FRMD6: variants seen among roughly 807,000 people sequenced by gnomAD.
The protein encoded by FRMD6 is FERM domain containing 6.
A neutral mutation model predicts 73.2 loss-of-function variants in FRMD6; 37 were observed. The ratio of observed to expected loss-of-function variants is 0.51; its 90% CI spans 0.39 to 0.66. The LOEUF is 0.66. Among genes scored for constraint, FRMD6 ranks in the 30% least tolerant of loss-of-function variants. The pLI is 0.00. For missense variants in FRMD6, 714 were observed against 780.5 expected (o/e 0.91, Z 1.02); for synonymous variants, 273 against 282.2 (o/e 0.97, Z 0.33).
chr14:51,712,439 C>CTT (rs768724598), intron 8 of FRMD6, 44 bp from the exon 9 acceptor site: 5 of 1,179,456 alleles, frequency 4.2e-6, no homozygotes, highest in Non-Finnish European at 6.3e-6. Flanking sequence ...TTTACAGTAT[C>CTT]TATCATTTTT....
At chr14:51,621,242 A>C (rs1216972458) in intron 2 of FRMD6, among the ~76,000 whole-genome samples, 2 of 152,154 alleles carry the variant, frequency 1.3e-5, no homozygotes, top group East Asian at 3.8e-4. Context: ...TCAAAGGCTC[A>C]GAAGTGGTGG....
At position 51,720,496 on chromosome 14, in the gene FRMD6, A is replaced by AAAGTGG. The variant is rs1269381794; in HGVS notation, c.1360+110_1360+115dup. ...GAGAGCAACTTTAGGCAGTAGTAAT[A>AAAGTGG]AAGTGGAAGAGGTGTCTTGTTGTCT... On this transcript the variant is annotated intron_variant, in intron 11 of 13. Coordinates refer to ENST00000344768, the MANE Select transcript of FRMD6 (RefSeq NM_001267046.2). The AAAGTGG allele has an allele frequency of 8.1e-6, 8 of 981,756 alleles. No individual in the cohort carries two copies. In the African/African-American group the frequency reaches 1.3e-4, roughly 16 times the overall value. 60.8% of individuals were successfully genotyped at this position (981,756 alleles called of 1,614,324 possible). A position where few individuals can be genotyped will look rare whatever the true frequency, so the allele number is the denominator to read the frequency against.
chr14:51,585,843 G>T (rs901838918), intron 2 of FRMD6, among the ~76,000 whole-genome samples: 1 of 149,372 alleles, frequency 6.7e-6, no homozygotes, highest in South Asian at 2.1e-4. Flanking sequence ...TTTCACTTAG[G>T]ATAATGGCTT....
At chr14:51,614,292 T>C (rs1890627435) in intron 2 of FRMD6, among the ~76,000 whole-genome samples, 1 of 152,218 alleles carries the variant, frequency 6.6e-6, no homozygotes, top group Non-Finnish European at 1.5e-5. Flanking sequence ...TTAAGTATTC[T>C]AGTCACATGG....
the FRMD6 span, among the ~76,000 whole-genome samples, chr14:51,480,130 G>A: frequency 6.6e-6 from 1 of 152,158 alleles, no homozygotes; most frequent in East Asian, 1.9e-4. Context: ...TATAATCAGG[G>A]CTTGGCTTGC....
At chr14:51,536,292 A>G (rs1451176272) in intron 1 of FRMD6, among the ~76,000 whole-genome samples, 4 of 151,812 alleles carry the variant, frequency 2.6e-5, no homozygotes, top group Admixed American at 6.6e-5. Context: ...GGGTCTCACT[A>G]TGTTATCCTG....
upstream of FRMD6, among the ~76,000 whole-genome samples, chr14:51,647,399 G>C (rs1304962621): frequency 1.3e-5 from 2 of 152,072 alleles, no homozygotes; most frequent in African/African-American, 4.8e-5. Flanking sequence ...CTTTTCTTAA[G>C]CATTAAAGTC....
intron 2 of FRMD6, among the ~76,000 whole-genome samples, chr14:51,575,454 T>C (rs1888351014): frequency 3.9e-5 from 6 of 152,250 alleles, no homozygotes; most frequent in Admixed American, 3.9e-4. Flanking sequence ...CAGATGCAGA[T>C]GCTCCTTGGT....
the FRMD6 span, chr14:51,436,094 TCCTGC>T: frequency 1.9e-5 from 4 of 214,252 alleles, no homozygotes; most frequent in Non-Finnish European, 2.7e-5. Context: ...CAAGACCACC[TCCTGC>T]CCTGAGACCA....
intron 2 of FRMD6, among the ~76,000 whole-genome samples, chr14:51,646,039 C>G (rs1346409375): frequency 1.3e-5 from 2 of 151,876 alleles, no homozygotes; most frequent in Admixed American, 1.3e-4. Flanking sequence ...TGAAGAGAGG[C>G]CGGGTGCGGT....
intron 1 of FRMD6, among the ~76,000 whole-genome samples, chr14:51,686,094 G>T (rs1895131397): frequency 6.6e-6 from 1 of 151,896 alleles, no homozygotes; most frequent in Non-Finnish European, 1.5e-5. Flanking sequence ...ATCCTCCTTT[G>T]CCTACATTCA....
At chr14:51,409,604 G>A in the FRMD6 span, among the ~76,000 whole-genome samples, 3 of 152,036 alleles carry the variant, frequency 2.0e-5, no homozygotes, top group African/African-American at 7.2e-5. Context: ...CTTATTTATT[G>A]TTATTATTTT....
At chr14:51,433,731 G>A in the FRMD6 span, among the ~76,000 whole-genome samples, 1 of 152,198 alleles carries the variant, frequency 6.6e-6, no homozygotes, top group Non-Finnish European at 1.5e-5. Flanking sequence ...CAAGGTGTGA[G>A]CAGTACTTTT....
At chr14:51,582,902 G>A (rs951244396) in intron 2 of FRMD6, among the ~76,000 whole-genome samples, 16 of 152,108 alleles carry the variant, frequency 1.1e-4, no homozygotes, top group African/African-American at 3.4e-4. Flanking sequence ...ACCATATTTG[G>A]AACTCACAAT....
chr14:51,565,803 C>T (rs1270932365), intron 1 of FRMD6, among the ~76,000 whole-genome samples: 5 of 152,134 alleles, frequency 3.3e-5, no homozygotes, highest in African/African-American at 7.2e-5. Flanking sequence ...TATGTTCCCT[C>T]ATTTGAGGAA....
intron 1 of FRMD6, among the ~76,000 whole-genome samples, chr14:51,654,610 G>C (rs1892692963): frequency 6.6e-6 from 1 of 150,718 alleles, no homozygotes; most frequent in African/African-American, 2.4e-5. Context: ...AATAAAACCT[G>C]CAAACAATTA....
chr14:51,538,019 C>A (rs1198248327), intron 1 of FRMD6, among the ~76,000 whole-genome samples: 1 of 152,104 alleles, frequency 6.6e-6, no homozygotes, highest in Admixed American at 6.5e-5. Context: ...TGAAGTCTAG[C>A]TTATCAATTA....
chr14:51,587,465 A>C (rs576309393), intron 2 of FRMD6, among the ~76,000 whole-genome samples: 1 of 152,346 alleles, frequency 6.6e-6, no homozygotes, highest in East Asian at 1.9e-4. Context: ...GAAATTGACC[A>C]ACCCTAAATA....
chr14:51,477,743 T>C, the FRMD6 span, among the ~76,000 whole-genome samples: 343 of 6,054 alleles, frequency 0.057, 1 homozygote, highest in Non-Finnish European at 0.074. Flanking sequence ...TTTTCTTTTT[T>C]TTTTTTTTTT....
Sources: gnomAD v4.1 joint callset for allele counts (sites outside exome capture counted in the v4.1 genomes callset) on GRCh38, gnomAD v4.1.1 for gene constraint, MANE v1.5 for transcripts, NCBI Gene and HGNC (gene_info 2026-07-23, HGNC 2026-07-21) for gene names.